The following ADK variants were observed in gnomAD, a reference collection of about 807,000 sequenced individuals.
ADK encodes the protein adenosine kinase, also known as N6,N6-dimethyladenosine kinase.
A neutral mutation model predicts 44.7 loss-of-function variants in ADK; 24 were observed. That is an observed-to-expected ratio of 0.54 (90% CI 0.39 to 0.76). The LOEUF is 0.76. Ranked by LOEUF, ADK falls within the 30% of genes least tolerant of loss-of-function variation. The pLI, the probability that ADK is intolerant of heterozygous loss-of-function variation, is 0.00. For missense variants in ADK, 321 were observed against 425.1 expected (o/e 0.76, Z 2.15); for synonymous variants, 128 against 142.6 (o/e 0.90, Z 0.73).
intron 10 of ADK, among the ~76,000 whole-genome samples, chr10:74,695,619 GGTGTGTGTGT>G (rs749294668): frequency 4.8e-4 from 43 of 90,120 alleles, no homozygotes; most frequent in African/African-American, 1.7e-3. Flanking sequence ...GTATGTGTGG[GGTGTGTGTGT>G]GTGTGTGTGT....
At chr10:74,500,568 A>G (rs751393459) in intron 6 of ADK, among the ~76,000 whole-genome samples, 38 of 152,354 alleles carry the variant, frequency 2.5e-4, no homozygotes, top group Admixed American at 6.5e-4. Flanking sequence ...GAGAACTACT[A>G]TCCTATGTGA....
intron 9 of ADK, among the ~76,000 whole-genome samples, chr10:74,648,712 A>T (rs181801940): frequency 2.0e-5 from 3 of 152,212 alleles, no homozygotes; most frequent in Admixed American, 2.0e-4. Context: ...AACAATAATT[A>T]TATGTTAATG....
chr10:74,534,793 A>G (rs1260327995), intron 7 of ADK, among the ~76,000 whole-genome samples: 1 of 152,248 alleles, frequency 6.6e-6, no homozygotes, highest in East Asian at 1.9e-4. Flanking sequence ...CATAATGAAT[A>G]TAGTACCAAG....
At chr10:74,405,140 C>G (rs1481648057) in intron 6 of ADK, among the ~76,000 whole-genome samples, 1 of 151,960 alleles carries the variant, frequency 6.6e-6, no homozygotes, top group East Asian at 1.9e-4. Flanking sequence ...TCTGTAATAC[C>G]TGAACTGTTA....
intron 6 of ADK, among the ~76,000 whole-genome samples, chr10:74,489,252 G>C (rs766019981): frequency 3.3e-5 from 5 of 151,894 alleles, no homozygotes; most frequent in Non-Finnish European, 5.9e-5. Context: ...CTCCAATGTA[G>C]AAGGGAAATG....
intron 5 of ADK, among the ~76,000 whole-genome samples, chr10:74,395,860 A>T: frequency 6.6e-6 from 1 of 152,098 alleles, no homozygotes; most frequent in East Asian, 1.9e-4. Flanking sequence ...CTCTACTAAA[A>T]ATGTAAAAAT....
intron 4 of ADK, among the ~76,000 whole-genome samples, chr10:74,368,024 A>C (rs1054091684): frequency 6.6e-6 from 1 of 152,240 alleles, no homozygotes; most frequent in Non-Finnish European, 1.5e-5. Flanking sequence ...TAAAATACGG[A>C]ATCTTTAAAC....
At chr10:74,657,952 T>G (rs1288922444) in intron 9 of ADK, among the ~76,000 whole-genome samples, 2 of 152,150 alleles carry the variant, frequency 1.3e-5, no homozygotes, top group African/African-American at 4.8e-5. Context: ...GAAAGACAAT[T>G]TGAAATGTAG....
At chr10:74,393,989 A>G (rs893308661) in intron 4 of ADK, 152 bp from the exon 5 acceptor site, 1 of 791,046 alleles carries the variant, frequency 1.3e-6, no homozygotes, top group Non-Finnish European at 2.2e-6. Flanking sequence ...AAGTTTTTTT[A>G]ATCGTAAGTG....
intron 10 of ADK, among the ~76,000 whole-genome samples, chr10:74,675,424 C>T (rs1030079195): frequency 1.3e-5 from 2 of 152,172 alleles, no homozygotes; most frequent in Non-Finnish European, 2.9e-5. Flanking sequence ...CTACAAGCAT[C>T]GCTCCTTGTT....
chr10:74,601,495 C>T (rs1334366731), intron 9 of ADK, among the ~76,000 whole-genome samples: 1 of 151,784 alleles, frequency 6.6e-6, no homozygotes, highest in African/African-American at 2.4e-5. Context: ...AAGCAAGATT[C>T]AGAGATTTGT....
chr10:74,577,110 CTGTGTGTGTGTGTGTG>C (rs146683037), intron 7 of ADK, among the ~76,000 whole-genome samples: 59 of 137,416 alleles, frequency 4.3e-4, no homozygotes, highest in Non-Finnish European at 6.7e-4. Flanking sequence ...TATTATTTCT[CTGTGTGTGTGTGTGTG>C]TGTGTGTGTG....
Position 74,235,774 on chromosome 10 carries a change from A to G in ADK, c.194+11183A>G, listed in dbSNP as rs74684257. Among the ~76,000 whole-genome samples the G allele has an allele frequency of 1.2e-4, 19 of 152,270 alleles. No homozygotes were observed. In the East Asian group the frequency reaches 3.7e-3, roughly 29 times the overall value. On this transcript the variant is annotated intron_variant, in intron 3 of 10. Transcript: ENST00000539909. ...CCTCCAAAACTAATGTTGAAATTTA[A>G]TTGCCATTGTAACAGTAATAAGAGG...
chr10:74,670,317 C>T (rs1217593811), intron 10 of ADK, 48 bp downstream of exon 10: 1 of 1,436,812 alleles, frequency 7.0e-7, no homozygotes, highest in Non-Finnish European at 9.8e-7. Flanking sequence ...AACATTTTAA[C>T]CCTTGTTTCT....
At chr10:74,343,639 G>A (rs925051496) in intron 4 of ADK, among the ~76,000 whole-genome samples, 43 of 152,036 alleles carry the variant, frequency 2.8e-4, no homozygotes, top group African/African-American at 8.7e-4. Context: ...ACGGAGTTTC[G>A]CTCTTGTTGC....
chr10:74,185,216 T>G (rs182327532), intron 1 of ADK, among the ~76,000 whole-genome samples: 12 of 152,312 alleles, frequency 7.9e-5, no homozygotes, highest in African/African-American at 2.6e-4. Context: ...TTTGGGGAAC[T>G]TACTATTTGA....
At chr10:74,313,149 C>G (rs1352680163) in intron 3 of ADK, among the ~76,000 whole-genome samples, 2 of 151,926 alleles carry the variant, frequency 1.3e-5, no homozygotes, top group African/African-American at 4.8e-5. Flanking sequence ...ATATTTAAAA[C>G]CTTTTTAAAA....
At chr10:74,660,729 CAAAAAAAAA>C (rs747443907) in intron 9 of ADK, among the ~76,000 whole-genome samples, 2 of 92,888 alleles carry the variant, frequency 2.2e-5, no homozygotes, top group African/African-American at 9.1e-5. Context: ...GACCCTGTCT[CAAAAAAAAA>C]AAAAAAAAAA....
chr10:74,173,431 C>CT (rs574254535), intron 1 of ADK, among the ~76,000 whole-genome samples: 7,991 of 130,822 alleles, frequency 0.061, 793 homozygotes, highest in African/African-American at 0.21. Flanking sequence ...CTTTTTCTTT[C>CT]TTTTTTTTTT....
Sources: gnomAD v4.1 joint callset for allele counts (sites outside exome capture counted in the v4.1 genomes callset) on GRCh38, gnomAD v4.1.1 for gene constraint, MANE v1.5 for transcripts, NCBI Gene and HGNC (gene_info 2026-07-23, HGNC 2026-07-21) for gene names.